Variants in GPD2 observed in about 807,000 individuals in gnomAD.
The protein encoded by GPD2 is glycerol-3-phosphate dehydrogenase, mitochondrial.
GPD2 carries 54 observed loss-of-function variants against 82.4 expected under a neutral mutation model. The observed-to-expected ratio is 0.66, with a 90% CI of 0.53 to 0.82. The LOEUF is 0.82. GPD2 is among the 40% of genes least tolerant of loss of function. The pLI, the probability that GPD2 is intolerant of heterozygous loss-of-function variation, is 0.00. For synonymous variants in GPD2, 288 were observed against 306.1 expected, an observed-to-expected ratio of 0.94 and a Z score of 0.62; for missense variants, 748 against 896.2, an observed-to-expected ratio of 0.83 and a Z score of 2.11.
chr2:156,454,007 G>C (rs1001761296), intron 1 of GPD2, among the ~76,000 whole-genome samples: 2 of 152,304 alleles, frequency 1.3e-5, no homozygotes, highest in Non-Finnish European at 2.9e-5. Flanking sequence ...CAGCGAGAAG[G>C]GATAATGGGT....
the GPD2 span, among the ~76,000 whole-genome samples, chr2:156,427,026 A>G: frequency 2.0e-5 from 3 of 152,212 alleles, no homozygotes; most frequent in East Asian, 5.8e-4. Context: ...TTGTGATGCA[A>G]TCTCAATCAA....
chr2:156,537,719 G>A (rs575180382), intron 6 of GPD2, among the ~76,000 whole-genome samples: 1 of 152,250 alleles, frequency 6.6e-6, no homozygotes, highest in South Asian at 2.1e-4. Flanking sequence ...AACTGTTTTG[G>A]TGAAAGAGCT....
intron 1 of GPD2, among the ~76,000 whole-genome samples, chr2:156,464,661 T>G (rs1050814729): frequency 6.6e-6 from 1 of 152,132 alleles, no homozygotes; most frequent in Admixed American, 6.5e-5. Context: ...TTGAGAACTT[T>G]CTTTTACAAT....
At chr2:156,525,628 A>G (rs77525625) in intron 6 of GPD2, among the ~76,000 whole-genome samples, 1 of 152,210 alleles carries the variant, frequency 6.6e-6, no homozygotes, top group Non-Finnish European at 1.5e-5. Context: ...TCAGACTTCC[A>G]AAACAGTTTA....
chr2:156,542,239 G>C (rs1051253104), intron 6 of GPD2, among the ~76,000 whole-genome samples: 1 of 152,102 alleles, frequency 6.6e-6, no homozygotes, highest in Non-Finnish European at 1.5e-5. Context: ...AAGGAAACAT[G>C]AAGGAACAAA....
chr2:156,473,373 A>G lies in GPD2; in HGVS notation c.-8-2725A>G, dbSNP rs148573231. Among the ~76,000 whole-genome samples the G allele has an allele frequency of 6.6e-3, 998 of 152,326 alleles. 11 individuals carry two copies. Among genetic ancestry groups the G allele is most frequent in the African/African-American group, 0.023 (939 of 41,566 alleles). ...TCAAATTAAAACAATACTATCAGGT[A>G]GGCAGGGAACATAGGGACCCACACA... On this transcript the variant is annotated intron_variant, in intron 1 of 16. Coordinates refer to ENST00000438166, the MANE Select transcript of GPD2 (RefSeq NM_000408.5).
chr2:156,561,832 A>G (rs1393267648), intron 9 of GPD2, among the ~76,000 whole-genome samples: 1 of 152,216 alleles, frequency 6.6e-6, no homozygotes, highest in Non-Finnish European at 1.5e-5. Flanking sequence ...TTAACACTCC[A>G]TGCTATTCAC....
At chr2:156,486,495 G>A (rs1054265246) in intron 2 of GPD2, among the ~76,000 whole-genome samples, 3 of 152,180 alleles carry the variant, frequency 2.0e-5, no homozygotes, top group Non-Finnish European at 2.9e-5. Context: ...TCATTTTAAG[G>A]CCTCTTTAAA....
intron 1 of GPD2, among the ~76,000 whole-genome samples, chr2:156,442,035 ATGAT>A (rs767116242): frequency 4.6e-5 from 7 of 152,162 alleles, no homozygotes; most frequent in African/African-American, 7.2e-5. Context: ...CTTTAGAACA[ATGAT>A]TGTTTGATTT....
At chr2:156,425,060 C>A in the GPD2 span, among the ~76,000 whole-genome samples, 2 of 151,424 alleles carry the variant, frequency 1.3e-5, no homozygotes, top group African/African-American at 4.8e-5. Flanking sequence ...TTTCCCCATT[C>A]TTCCTAAAAT....
At chr2:156,576,782 T>C (rs112193191) in intron 13 of GPD2, among the ~76,000 whole-genome samples, 1 of 152,162 alleles carries the variant, frequency 6.6e-6, no homozygotes, top group Non-Finnish European at 1.5e-5. Context: ...AAATTACACA[T>C]GCAATGAAGG....
rs1372270384 is a variant in GPD2, at chr2:156,436,446, C to A, written c.-76C>A. 1 of 152,444 alleles carries A rather than the reference C, an allele frequency of 6.6e-6. No homozygotes were observed. The highest frequency in any genetic ancestry group is 2.4e-5 in the African/African-American group (1 of 41,456). 9.4% of individuals were successfully genotyped at this position (152,444 alleles called of 1,614,324 possible). A position where few individuals can be genotyped will look rare whatever the true frequency, so the allele number is the denominator to read the frequency against. ...GGCTCTGATTCTGGGGGGAGGCCGACTCCACCCTGGCTGGAGGAACTGGGT... is the reference window on the plus strand; with the variant it reads ...GGCTCTGATTCTGGGGGGAGGCCGAATCCACCCTGGCTGGAGGAACTGGGT... On this transcript the variant is annotated 5_prime_UTR_variant, in exon 1 of 17. Coordinates refer to ENST00000438166, the MANE Select transcript of GPD2 (RefSeq NM_000408.5).
At chr2:156,501,853 A>G (rs1684595295) in intron 3 of GPD2, 2 of 169,262 alleles carry the variant, frequency 1.2e-5, no homozygotes, top group African/African-American at 2.4e-5. Context: ...GATTTACTAG[A>G]CTGATTTTGA....
intron 2 of GPD2, among the ~76,000 whole-genome samples, chr2:156,492,749 A>G (rs1240992933): frequency 6.6e-6 from 1 of 152,228 alleles, no homozygotes; most frequent in East Asian, 1.9e-4. Flanking sequence ...GTTTTAGAAG[A>G]TGGAACTGAT....
chr2:156,438,640 CT>C (rs1682036901), intron 1 of GPD2, among the ~76,000 whole-genome samples: 1 of 152,102 alleles, frequency 6.6e-6, no homozygotes, highest in South Asian at 2.1e-4. Context: ...AAACTTGATT[CT>C]TTCTGTTTGT....
At chr2:156,400,747 A>T in the GPD2 span, among the ~76,000 whole-genome samples, 2 of 152,250 alleles carry the variant, frequency 1.3e-5, no homozygotes, top group South Asian at 4.1e-4. Context: ...GAGTATGGAC[A>T]CCAGAAATAT....
chr2:156,570,405 T>C (rs986010272), intron 12 of GPD2, among the ~76,000 whole-genome samples, 187 bp downstream of exon 12: 1 of 152,212 alleles, frequency 6.6e-6, no homozygotes, highest in Non-Finnish European at 1.5e-5. Context: ...TCTGAAGTGA[T>C]ATTGATAGTG....
intron 3 of GPD2, 84 bp from the exon 4 acceptor site, chr2:156,510,712 G>C: frequency 9.0e-7 from 1 of 1,105,706 alleles, no homozygotes; most frequent in South Asian, 1.3e-5. Flanking sequence ...TCTTGTGATT[G>C]TCTCTACCCT....
At chr2:156,489,714 TCCTTCCTTCCTCCCTC>T (rs1684089411) in intron 2 of GPD2, among the ~76,000 whole-genome samples, 1 of 115,132 alleles carries the variant, frequency 8.7e-6, no homozygotes, top group African/African-American at 3.6e-5. Context: ...CTTCCTTCCT[TCCTTCCTTCCTCCCTC>T]CCTCCCTCCC....
Sources: allele counts gnomAD v4.1 joint callset (sites outside exome capture counted in the v4.1 genomes callset), GRCh38; gene constraint gnomAD v4.1.1; transcripts MANE v1.5; gene names NCBI Gene and HGNC (gene_info 2026-07-23, HGNC 2026-07-21).